NAP1L4: variants seen among roughly 807,000 people sequenced by gnomAD.
The protein encoded by NAP1L4 is nucleosome assembly protein 1 like 4.
Under a neutral mutation model 58.2 loss-of-function variants are expected in NAP1L4, and 15 were observed. The observed-to-expected ratio is 0.26, with a 90% CI of 0.17 to 0.40. The LOEUF (loss-of-function observed/expected upper bound fraction) is 0.40, where lower values mean the gene tolerates loss of function less well. Among genes scored for constraint, NAP1L4 ranks in the 10% least tolerant of loss-of-function variants. NAP1L4 has a pLI of 1.00. For missense variants in NAP1L4, 384 were observed against 451.1 expected, an observed-to-expected ratio of 0.85 and a Z score of 1.35; for synonymous variants, 171 against 155.6, an observed-to-expected ratio of 1.10 and a Z score of -0.74.
rs539096907 is a variant in NAP1L4 at position 2,966,482 on chromosome 11, G to A, written c.535-1731C>T. 1.1e-4 allele frequency among the ~76,000 whole-genome samples: 16 copies of A among 152,018 alleles called. No individual in the cohort carries two copies. The South Asian group carries it at 1.2e-3, about 12-fold the overall frequency. On this transcript the variant is annotated intron_variant, in intron 7 of 15. Transcript: ENST00000380542. The stretch of plus-strand genomic sequence containing the variant: ...GCCTTTATCAACAATTCTCTGCTTC[G>A]GTGAGCTGTTTTTGTAGCTCCCACA...
chr11:2,949,308 A>G lies in NAP1L4; in HGVS notation c.1123-44T>C. On this transcript the variant is annotated intron_variant, in intron 14 of 15. Transcript: ENST00000380542. The surrounding 1 kb of genome is among the most constrained non-coding windows in gnomAD (Gnocchi z 4.0). ...TGAAAGGAACTGTCAGCATGAAAGA[A>G]AATGAAATGCACAAAATTATACAGG... The G allele has an allele frequency of 6.7e-7, 1 of 1,495,702 alleles. No individual in the cohort carries two copies. Among genetic ancestry groups the G allele is most frequent in the Middle Eastern group, 1.7e-4 (1 of 5,848 alleles). 92.7% of individuals were successfully genotyped at this position (1,495,702 alleles called of 1,614,324 possible). A position where few individuals can be genotyped will look rare whatever the true frequency, so the allele number is the denominator to read the frequency against.
Position 2,958,740 on chromosome 11 carries a change from T to G in NAP1L4, c.747-196A>C, listed in dbSNP as rs972656385. 9 of 587,264 alleles carry G rather than the reference T, an allele frequency of 1.5e-5. No homozygotes were observed. The African/African-American group carries it at 1.7e-4, about 11-fold the overall frequency. 36.4% of individuals were successfully genotyped at this position (587,264 alleles called of 1,614,324 possible). A position where few individuals can be genotyped will look rare whatever the true frequency, so the allele number is the denominator to read the frequency against. On this transcript the variant is annotated intron_variant, in intron 9 of 15. Coordinates refer to ENST00000380542, the MANE Select transcript of NAP1L4 (RefSeq NM_005969.4). ...GAAACAGCCTGGTCCTCTTTCAACT[T>G]GGGTGTGACCACTGGAACTTCAGAC... is the stretch of plus-strand genomic sequence containing the variant.
chr11:2,984,818 C>T (rs992501200), intron 1 of NAP1L4, among the ~76,000 whole-genome samples: 10 of 151,514 alleles, frequency 6.6e-5, no homozygotes, highest in Non-Finnish European at 1.5e-4. Flanking sequence ...GGTCTCTTTT[C>T]ACTTTTGTAA....
At chr11:2,963,098 C>CAAAAAAAAAAAAA (rs55650724) in intron 8 of NAP1L4, among the ~76,000 whole-genome samples, 1 of 97,090 alleles carries the variant, frequency 1.0e-5, no homozygotes, top group Non-Finnish European at 2.0e-5. Context: ...GACTCGGTCT[C>CAAAAAAAAAAAAA]AAAAAAAAAA....
chr11:2,958,648 G>A (rs531115878), intron 9 of NAP1L4, 104 bp from the exon 10 acceptor site: 13 of 1,199,944 alleles, frequency 1.1e-5, no homozygotes, highest in African/African-American at 1.6e-5. Context: ...CCTGGAAAAC[G>A]AAATAAAACC....
At position 2,956,686 on chromosome 11, in the gene NAP1L4, G is replaced by A. The variant is rs909878481; in HGVS notation, c.893-920C>T. Among the ~76,000 whole-genome samples the A allele has an allele frequency of 3.3e-5, 5 of 152,346 alleles. No individual in the cohort carries two copies. The East Asian group carries it at 5.8e-4, about 18-fold the overall frequency. ...AGACATGGGTTAGGAGCATGGCTGG[G>A]TGTCTAAATGCTGGAGCAGCATGCT... On this transcript the variant is annotated intron_variant, in intron 10 of 15. Coordinates refer to ENST00000380542, the MANE Select transcript of NAP1L4 (RefSeq NM_005969.4).
intron 1 of NAP1L4, among the ~76,000 whole-genome samples, chr11:2,983,343 T>A (rs1412396172): frequency 1.3e-5 from 2 of 152,212 alleles, no homozygotes; most frequent in Non-Finnish European, 2.9e-5. Context: ...AATTTTCATT[T>A]AAGTGAAGGC....
Position 2,969,915 on chromosome 11 carries a change from A to G in NAP1L4, c.422T>C (p.Val141Ala), listed in dbSNP as rs1373204909. ...TGCCGCTGCTTTTTCTGTGACGACT[A>G]CTTTACTTTTCATGTCTCCCTAAAA... ...EKLAGDMKSKVVVTEKAAATA... is the reference protein window; with the variant it reads ...EKLAGDMKSKAVVTEKAAATA... Residue 141 changes from valine to alanine, a missense_variant, in exon 7 of 16, where the codon GTA becomes GCA. By Grantham distance (64) the Val-to-Ala change is moderately conservative. Coordinates refer to ENST00000380542, the MANE Select transcript of NAP1L4 (RefSeq NM_005969.4). 6.2e-6 allele frequency: 10 copies of G among 1,613,000 alleles called. No homozygotes were observed. In the South Asian group the frequency reaches 1.1e-4, roughly 18 times the overall value.
At chr11:2,963,856 T>C in intron 8 of NAP1L4, 1 of 519,260 alleles carries the variant, frequency 1.9e-6, no homozygotes, top group South Asian at 1.4e-5. Context: ...ATGGAACCCA[T>C]TAGCTACAGC....
At chr11:2,958,360 T>C (rs1169029201) in intron 10 of NAP1L4, 39 bp downstream of exon 10, 12 of 1,608,128 alleles carry the variant, frequency 7.5e-6, no homozygotes, top group Non-Finnish European at 1.0e-5. Context: ...AATTATTTTA[T>C]ATAAGAACAT....
chr11:2,950,157 A>G (rs1263432212), intron 14 of NAP1L4, among the ~76,000 whole-genome samples: 1 of 152,242 alleles, frequency 6.6e-6, no homozygotes, highest in Non-Finnish European at 1.5e-5. Context: ...GGTCTCCTAC[A>G]GCCCTCACCG....
At position 2,951,881 on chromosome 11, in the gene NAP1L4, T is replaced by C. The variant is rs1476165964; in HGVS notation, c.1036-72A>G. 2 of 1,439,634 alleles carry C rather than the reference T, an allele frequency of 1.4e-6. No homozygotes were observed. The highest frequency in any genetic ancestry group is 2.8e-5 in the African/African-American group (2 of 71,500). 89.2% of individuals were successfully genotyped at this position (1,439,634 alleles called of 1,614,324 possible). A position where few individuals can be genotyped will look rare whatever the true frequency, so the allele number is the denominator to read the frequency against. ...CAGCCTGCCCAAGACACCAGTCCCA[T>C]CAAGTGACTCACTGACCAAGCCTAA... On this transcript the variant is annotated intron_variant, in intron 12 of 15. Transcript: ENST00000380542. This position sits in a 1 kb window ranked among gnomAD's most constrained non-coding sequence, Gnocchi z 4.0.
Position 2,971,120 on chromosome 11 carries a change from C to T in NAP1L4, c.402+328G>A, listed in dbSNP as rs1341543713. Among the ~76,000 whole-genome samples the T allele has an allele frequency of 6.6e-6, 1 of 152,214 alleles. No individual in the cohort carries two copies. The highest frequency in any genetic ancestry group is 1.5e-5 in the Non-Finnish European group (1 of 68,036). ...AGGAAGGCACTCCCCTCACAACTCC[C>T]CCAATCTTCCAGTGACTGAGAACAC... is the stretch of plus-strand genomic sequence containing the variant. On this transcript the variant is annotated intron_variant, in intron 6 of 15. Transcript: ENST00000380542. This position sits in a 1 kb window ranked among gnomAD's most constrained non-coding sequence, Gnocchi z 4.2.
chr11:2,987,756 C>CAA lies in NAP1L4; in HGVS notation c.-18+4496_-18+4497dup, dbSNP rs57754393. ...TGGGCATCAGAGCGAGACTCCACCT[C>CAA]AAAAAAAAAAAAAAAAAAAAAGCAA... is the stretch of plus-strand genomic sequence containing the variant. On this transcript the variant is annotated intron_variant, in intron 1 of 15. Transcript: ENST00000380542. Among the ~76,000 whole-genome samples, 76 of 70,424 alleles carry CAA rather than the reference C, an allele frequency of 1.1e-3. 3 individuals are homozygous for CAA. The highest frequency in any genetic ancestry group is 2.7e-3 in the African/African-American group (43 of 16,210). The allele number at this position is 70,424 out of a possible 152,430, so 46.2% of individuals were successfully genotyped here.
rs1326832558 is a variant in NAP1L4 at position 2,954,056 on chromosome 11, T to C, written c.1035+471A>G. Among the ~76,000 whole-genome samples, 2 of 152,192 alleles carry C rather than the reference T, an allele frequency of 1.3e-5. No individual in the cohort carries two copies. Among genetic ancestry groups the C allele is most frequent in the Non-Finnish European group, 2.9e-5 (2 of 68,024 alleles). ...AGGAAAGTGACATGCAATCTTGTTG[T>C]TTTCTTCGGGAGCACGGGTTTCTTT... On this transcript the variant is annotated intron_variant, in intron 12 of 15. Transcript: ENST00000380542. This position sits in a 1 kb window ranked among gnomAD's most constrained non-coding sequence, Gnocchi z 4.8.
chr11:2,991,830 G>A (rs1001998065), intron 1 of NAP1L4: 10 of 152,210 alleles, frequency 6.6e-5, no homozygotes, highest in Non-Finnish European at 1.2e-4. Context: ...CGGCGCGCCC[G>A]GCCGTGTAAC....
Position 2,948,041 on chromosome 11 carries a change from C to G in NAP1L4, c.*32+1186G>C, listed in dbSNP as rs1245228201. ...GCATCGAGGATTCTCTTCAAAAGAG[C>G]TGGTGGCATGGGAGGGGTGGCGTGG... On this transcript the variant is annotated intron_variant, in intron 15 of 15. Coordinates refer to ENST00000380542, the MANE Select transcript of NAP1L4 (RefSeq NM_005969.4). The surrounding 1 kb of genome is among the most constrained non-coding windows in gnomAD (Gnocchi z 5.1). Among the ~76,000 whole-genome samples, 1 of 116,720 alleles carries G rather than the reference C, an allele frequency of 8.6e-6. No individual in the cohort carries two copies. The highest frequency in any genetic ancestry group is 1.7e-5 in the Non-Finnish European group (1 of 57,884). 76.6% of individuals were successfully genotyped at this position (116,720 alleles called of 152,430 possible).
In NAP1L4 at chr11:2,949,296, C is replaced by G. The variant is rs754989397; in HGVS notation, c.1123-32G>C. The G allele has an allele frequency of 6.4e-7, 1 of 1,557,746 alleles. No homozygotes were observed. Among genetic ancestry groups the G allele is most frequent in the Admixed American group, 1.7e-5 (1 of 59,856 alleles). On this transcript the variant is annotated intron_variant, in intron 14 of 15. Transcript: ENST00000380542. The surrounding 1 kb of genome is among the most constrained non-coding windows in gnomAD (Gnocchi z 4.0). The stretch of plus-strand genomic sequence containing the variant: ...GGGGAAAAAAATTGAAAGGAACTGT[C>G]AGCATGAAAGAAAATGAAATGCACA...
chr11:2,956,460 T>C (rs893511302), intron 10 of NAP1L4, among the ~76,000 whole-genome samples: 1 of 152,242 alleles, frequency 6.6e-6, no homozygotes, highest in African/African-American at 2.4e-5. Context: ...AGGAGTTGAA[T>C]GTTTACTCTG....
Sources: gnomAD v4.1 joint callset for allele counts (sites outside exome capture counted in the v4.1 genomes callset) on GRCh38, gnomAD v4.1.1 for gene constraint, Gnocchi (gnomAD v3.1) non-coding constraint, MANE v1.5 for transcripts, NCBI Gene and HGNC (gene_info 2026-07-23, HGNC 2026-07-21) for gene names.